The following USH2A variants were observed in gnomAD, a reference collection of about 807,000 sequenced individuals.
The protein encoded by USH2A is Usher syndrome 2A (autosomal recessive, mild).
In USH2A, 443 loss-of-function variants were observed where a neutral mutation model predicts 538.9. The ratio of observed to expected loss-of-function variants is 0.82; its 90% CI spans 0.76 to 0.89. The LOEUF (loss-of-function observed/expected upper bound fraction) is 0.89, where lower values mean the gene tolerates loss of function less well. Among genes scored for constraint, USH2A ranks in the 40% least tolerant of loss-of-function variants. The probability of loss-of-function intolerance (pLI) is 0.00; values close to 1 mark genes in which losing one functional copy is unlikely to be tolerated. For synonymous variants in USH2A, 2,413 were observed against 2,273.5 expected, an observed-to-expected ratio of 1.06 and a Z score of -1.75; for missense variants, 6,633 against 6,324.8, an observed-to-expected ratio of 1.05 and a Z score of -1.65.
At chr1:216,346,691 A>G (rs2038181961) in intron 4 of USH2A, among the ~76,000 whole-genome samples, 2 of 151,408 alleles carry the variant, frequency 1.3e-5, no homozygotes, top group Admixed American at 6.6e-5. Context: ...TGCTATTAAA[A>G]TGGAACCCTT....
In USH2A at chr1:215,998,755, C is replaced by T. The variant is rs1025985495; in HGVS notation, c.6657+132G>A. 4.7e-5 allele frequency: 44 copies of T among 931,512 alleles called. No individual in the cohort carries two copies. The East Asian group carries it at 1.1e-3, about 24-fold the overall frequency. The allele number at this position is 931,512 out of a possible 1,614,324, so 57.7% of individuals were successfully genotyped here. A position where few individuals can be genotyped will look rare whatever the true frequency, so the allele number is the denominator to read the frequency against. ...ACATTTAGGATGGGAAGAGAGTTTT[C>T]AGTATAAACAGCAATACATGAAGAT... On this transcript the variant is annotated intron_variant, in intron 34 of 71. Coordinates refer to ENST00000307340, the MANE Select transcript of USH2A (RefSeq NM_206933.4).
intron 37 of USH2A, among the ~76,000 whole-genome samples, chr1:215,961,638 A>G (rs971246007): frequency 6.6e-6 from 1 of 151,816 alleles, no homozygotes; most frequent in South Asian, 2.1e-4. Context: ...TATATTCTAC[A>G]GTTTTAATCA....
At chr1:216,322,025 G>A in intron 8 of USH2A, 49 bp from the exon 9 acceptor site, 1 of 1,564,578 alleles carries the variant, frequency 6.4e-7, no homozygotes, top group Non-Finnish European at 8.8e-7. Flanking sequence ...ACTCAACTGT[G>A]AATATATTTA....
intron 61 of USH2A, among the ~76,000 whole-genome samples, chr1:215,716,095 A>G (rs986668310): frequency 2.0e-5 from 3 of 152,134 alleles, no homozygotes; most frequent in African/African-American, 7.2e-5. Context: ...TATCTCTACA[A>G]ATAACTGTCA....
chr1:215,953,771 C>G (rs977382394), intron 37 of USH2A, among the ~76,000 whole-genome samples: 5 of 151,790 alleles, frequency 3.3e-5, no homozygotes, highest in African/African-American at 7.3e-5. Flanking sequence ...TCAGAGTGAA[C>G]AGGCAACCTA....
At chr1:215,836,498 A>ATAATATATAT (rs1491303511) in intron 47 of USH2A, among the ~76,000 whole-genome samples, 1 of 17,774 alleles carries the variant, frequency 5.6e-5, no homozygotes, top group African/African-American at 1.5e-4. Context: ...TTATATATAT[A>ATAATATATAT]ATATATATTA....
Position 215,675,140 on chromosome 1 carries a change from C to G in USH2A, c.12771G>C (p.Arg4257Ser), listed in dbSNP as rs1195050308. ...GHTCSSWNVVRTLQAPPEGLS... is the reference protein window; with the variant it reads ...GHTCSSWNVVSTLQAPPEGLS... The stretch of plus-strand genomic sequence containing the variant: ...GACCTTCTGGAGGTGCTTGCAATGT[C>G]CTCACCACATTCCAAGAGCTACAGG... Residue 4257 changes from arginine to serine, a missense_variant, in exon 63 of 72, where the codon AGG (arginine) becomes AGC (serine). By Grantham distance (110) the Arg-to-Ser change is moderately radical. Coordinates refer to ENST00000307340, the MANE Select transcript of USH2A (RefSeq NM_206933.4). 1 of 1,614,064 alleles carries G rather than the reference C, an allele frequency of 6.2e-7. No individual in the cohort carries two copies. Among genetic ancestry groups the G allele is most frequent in the Admixed American group, 1.7e-5 (1 of 60,002 alleles).
At chr1:216,330,365 C>T (rs902021956) in intron 4 of USH2A, among the ~76,000 whole-genome samples, 2 of 151,980 alleles carry the variant, frequency 1.3e-5, no homozygotes, top group Non-Finnish European at 2.9e-5. Context: ...GGTTGGAGAG[C>T]ATGGCTAGAT....
chr1:216,297,379 A>C (rs2037128890), intron 9 of USH2A, among the ~76,000 whole-genome samples: 1 of 152,116 alleles, frequency 6.6e-6, no homozygotes, highest in South Asian at 2.1e-4. Flanking sequence ...CTTTACTTCT[A>C]TGAATCTTAG....
chr1:216,110,221 A>T (rs2102584857), intron 21 of USH2A, among the ~76,000 whole-genome samples: 1 of 152,306 alleles, frequency 6.6e-6, no homozygotes, highest in South Asian at 2.1e-4. Flanking sequence ...AGCCAGGCAC[A>T]GTGTCATATG....
At chr1:215,735,464 T>C (rs1190937815) in intron 60 of USH2A, among the ~76,000 whole-genome samples, 4 of 152,160 alleles carry the variant, frequency 2.6e-5, no homozygotes, top group African/African-American at 9.6e-5. Context: ...ATGGTGATAT[T>C]CACACAAAGA....
intron 9 of USH2A, among the ~76,000 whole-genome samples, chr1:216,312,942 G>T (rs911389405): frequency 6.6e-6 from 1 of 152,118 alleles, no homozygotes; most frequent in Admixed American, 6.6e-5. Flanking sequence ...GGCCTTTCAT[G>T]GTGTGGTGGT....
intron 32 of USH2A, among the ~76,000 whole-genome samples, chr1:216,044,613 T>A (rs1344033779): frequency 6.6e-6 from 1 of 152,154 alleles, no homozygotes; most frequent in African/African-American, 2.4e-5. Flanking sequence ...ATGTTATATT[T>A]TATATATAGT....
intron 14 of USH2A, among the ~76,000 whole-genome samples, chr1:216,231,086 C>T (rs550861244): frequency 1.3e-5 from 2 of 149,504 alleles, no homozygotes; most frequent in African/African-American, 4.9e-5. Flanking sequence ...TGAAAAAAAT[C>T]ATATCACAGA....
At chr1:216,216,941 G>T (rs2035353504) in intron 15 of USH2A, among the ~76,000 whole-genome samples, 1 of 151,978 alleles carries the variant, frequency 6.6e-6, no homozygotes, top group African/African-American at 2.4e-5. Flanking sequence ...AAATTTGGGG[G>T]ATGGAAGAAT....
chr1:216,321,065 C>T lies in USH2A; in HGVS notation c.1644+818G>A, dbSNP rs556307797. Among the ~76,000 whole-genome samples the T allele has an allele frequency of 3.3e-5, 5 of 152,098 alleles. No individual in the cohort carries two copies. In the East Asian group the frequency reaches 9.7e-4, roughly 29 times the overall value. On this transcript the variant is annotated intron_variant, in intron 9 of 71. Transcript: ENST00000307340. The stretch of plus-strand genomic sequence containing the variant: ...TTTTAATATATTTATAGTTATTTTT[C>T]ACTAAAAGTTTAAGCCACATACATT...
intron 32 of USH2A, among the ~76,000 whole-genome samples, chr1:216,012,528 C>A (rs1668600690): frequency 6.6e-6 from 1 of 152,196 alleles, no homozygotes; most frequent in East Asian, 1.9e-4. Context: ...GACATAATTC[C>A]TCAGTTTAGC....
At chr1:216,127,667 T>C (rs185264586) in intron 21 of USH2A, among the ~76,000 whole-genome samples, 91 of 152,246 alleles carry the variant, frequency 6.0e-4, no homozygotes, top group African/African-American at 2.1e-3. Context: ...CATTTCACAA[T>C]GCAAAAGTAA....
At chr1:216,296,692 C>G (rs918571755) in intron 9 of USH2A, among the ~76,000 whole-genome samples, 1 of 151,926 alleles carries the variant, frequency 6.6e-6, no homozygotes, top group Non-Finnish European at 1.5e-5. Context: ...GCAATAAAAA[C>G]CACTTACAAA....
Sources: allele counts gnomAD v4.1 joint callset (sites outside exome capture counted in the v4.1 genomes callset), GRCh38; gene constraint gnomAD v4.1.1; transcripts MANE v1.5; gene names NCBI Gene and HGNC (gene_info 2026-07-23, HGNC 2026-07-21).